The following CASK variants were observed in gnomAD, a reference collection of about 807,000 sequenced individuals.
The protein encoded by CASK is peripheral plasma membrane protein CASK.
A neutral mutation model predicts 82.9 loss-of-function variants in CASK; 4 were observed. That is an observed-to-expected ratio of 0.05 (90% confidence interval 0.02 to 0.11). The LOEUF is 0.11. Among genes scored for constraint, CASK ranks in the 10% least tolerant of loss-of-function variants. The pLI, the probability that CASK is intolerant of heterozygous loss-of-function variation, is 1.00. For missense variants in CASK, 358 were observed against 720.9 expected, an observed-to-expected ratio of 0.50 and a Z score of 5.76; for synonymous variants, 259 against 253.5, an observed-to-expected ratio of 1.02 and a Z score of -0.20.
chrX:41,651,619 T>C (rs1327658107), intron 8 of CASK, among the ~76,000 whole-genome samples: 1 of 111,834 alleles, frequency 8.9e-6, no homozygotes, highest in African/African-American at 3.3e-5. Context: ...TGAGAAGTAA[T>C]ATTCTTAAGG....
chrX:41,543,627 G>A (rs898372760), intron 21 of CASK, among the ~76,000 whole-genome samples: 2 of 112,087 alleles, frequency 1.8e-5, no homozygotes, highest in Non-Finnish European at 3.8e-5. Flanking sequence ...TTCAGGTTCA[G>A]TCTAAACAAA....
chrX:41,676,449 C>T lies in CASK; in HGVS notation c.430-4919G>A, dbSNP rs374569867. Reference sequence around the variant, plus strand: ...GCTGCCATGTCATCATATCGCTCAGCCTGCTCGGCCAGTTTGGCCTTCTGA... The same window carrying T: ...GCTGCCATGTCATCATATCGCTCAGTCTGCTCGGCCAGTTTGGCCTTCTGA... On this transcript the variant is annotated intron_variant, in intron 5 of 26. Transcript: ENST00000378163. 153 of 1,196,274 alleles carry T rather than the reference C, an allele frequency of 1.3e-4. No individual in the cohort carries two copies. The Middle Eastern group carries it at 3.8e-3, about 30-fold the overall frequency.
chrX:41,623,523 A>T (rs1481918417), intron 10 of CASK, among the ~76,000 whole-genome samples: 1 of 111,264 alleles, frequency 9.0e-6, no homozygotes, highest in Admixed American at 9.6e-5. Context: ...CCTGGGTTCA[A>T]GCAATTCTCT....
At chrX:41,782,721 C>A (rs976441637) in intron 3 of CASK, among the ~76,000 whole-genome samples, 1 of 111,854 alleles carries the variant, frequency 8.9e-6, no homozygotes, top group African/African-American at 3.2e-5. Context: ...TTTTATGAAA[C>A]CAAAGATCCT....
chrX:41,706,066 G>A (rs2067880913), intron 5 of CASK, among the ~76,000 whole-genome samples: 1 of 111,759 alleles, frequency 8.9e-6, no homozygotes, highest in African/African-American at 3.3e-5. Context: ...CTTCATATTT[G>A]TGTGGAAATT....
chrX:41,651,470 G>A (rs1337623698), intron 8 of CASK, among the ~76,000 whole-genome samples: 1 of 112,054 alleles, frequency 8.9e-6, no homozygotes, highest in African/African-American at 3.2e-5. Flanking sequence ...TATCAGAGAG[G>A]TGAATGCATA....
At chrX:41,693,411 C>T (rs1001195484) in intron 5 of CASK, among the ~76,000 whole-genome samples, 6 of 110,865 alleles carry the variant, frequency 5.4e-5, no homozygotes, top group Non-Finnish European at 9.4e-5. Context: ...GTCAGGAGTT[C>T]GAGACCAGCC....
chrX:41,588,444 G>A (rs1602308473), intron 13 of CASK: 1 of 111,253 alleles, frequency 9.0e-6, no homozygotes, highest in East Asian at 2.8e-4. Context: ...AGACAGGGTG[G>A]TGATTCATGC....
At chrX:41,645,100 T>A (rs1268027799) in intron 8 of CASK, among the ~76,000 whole-genome samples, 3 of 110,851 alleles carry the variant, frequency 2.7e-5, no homozygotes, top group African/African-American at 9.8e-5. Context: ...CTTTTGAAAA[T>A]CCTTAATAAA....
chrX:41,637,377 G>A (rs1175405951), intron 8 of CASK, among the ~76,000 whole-genome samples: 1 of 65,359 alleles, frequency 1.5e-5, no homozygotes, highest in Non-Finnish European at 2.7e-5. Context: ...ATTAGGACAC[G>A]CTTTTTTTTT....
intron 3 of CASK, among the ~76,000 whole-genome samples, chrX:41,777,288 T>C (rs2069382598): frequency 9.1e-6 from 1 of 110,210 alleles, no homozygotes; most frequent in African/African-American, 3.3e-5. Context: ...GGTCAGGAGT[T>C]TGAGACCAGC....
At chrX:41,621,669 A>C (rs1370020603) in intron 11 of CASK, among the ~76,000 whole-genome samples, 1 of 112,023 alleles carries the variant, frequency 8.9e-6, no homozygotes, top group Non-Finnish European at 1.9e-5. Context: ...CTGCTGTTTT[A>C]AGGTAATTCA....
intron 8 of CASK, among the ~76,000 whole-genome samples, chrX:41,651,920 T>A (rs987500445): frequency 9.0e-6 from 1 of 111,227 alleles, no homozygotes; most frequent in African/African-American, 3.3e-5. Context: ...AATAAACATA[T>A]AAGTAACATA....
chrX:41,919,389 C>G (rs747524820), intron 1 of CASK: 17 of 112,080 alleles, frequency 1.5e-4, no homozygotes, highest in Admixed American at 5.7e-4. Flanking sequence ...CAAGTATTCA[C>G]CTAACACAAG....
At chrX:41,600,414 T>C (rs1290009632) in intron 12 of CASK, among the ~76,000 whole-genome samples, 1 of 112,480 alleles carries the variant, frequency 8.9e-6, no homozygotes, top group Non-Finnish European at 1.9e-5. Flanking sequence ...CATTCCTTTC[T>C]AGGGGGAAAC....
At chrX:41,921,863 C>G (rs976088007) in intron 1 of CASK, among the ~76,000 whole-genome samples, 1 of 73,451 alleles carries the variant, frequency 1.4e-5, no homozygotes, top group Admixed American at 1.7e-4. Context: ...AATAAAGCAC[C>G]GCTTCCAAAA....
Position 41,709,067 on chromosome X carries a change from G to C in CASK, c.429+30317C>G, listed in dbSNP as rs189161365. ...AATATAAAACAACAAGACTTGTTTA[G>C]AGTGATGTCTTAAAAGGACTACTTC... is the stretch of plus-strand genomic sequence containing the variant. On this transcript the variant is annotated intron_variant, in intron 5 of 26. Coordinates refer to ENST00000378163, the MANE Select transcript of CASK (RefSeq NM_001367721.1). Among the ~76,000 whole-genome samples the C allele has an allele frequency of 4.6e-4, 52 of 111,854 alleles. 1 individual carries two copies. The Admixed American group carries it at 4.8e-3, about 10-fold the overall frequency.
At chrX:41,889,160 G>GA (rs572920522) in intron 1 of CASK, among the ~76,000 whole-genome samples, 11,569 of 94,359 alleles carry the variant, frequency 0.12, 725 homozygotes, top group Non-Finnish European at 0.18. Context: ...TGCTATCCTG[G>GA]AAAAAAAAAA....
At chrX:41,916,004 C>G (rs932688202) in intron 1 of CASK, among the ~76,000 whole-genome samples, 2 of 106,736 alleles carry the variant, frequency 1.9e-5, no homozygotes, top group Non-Finnish European at 3.9e-5. Flanking sequence ...CACACACACA[C>G]ACACACACAC....
Sources: gnomAD v4.1 joint callset for allele counts (sites outside exome capture counted in the v4.1 genomes callset) on GRCh38, gnomAD v4.1.1 for gene constraint, MANE v1.5 for transcripts, NCBI Gene and HGNC (gene_info 2026-07-23, HGNC 2026-07-21) for gene names.